SSPN: variants seen among roughly 807,000 people sequenced by gnomAD.
SSPN encodes the protein K-ras oncogene-associated protein.
SSPN carries 15 observed loss-of-function variants against 19.1 expected under a neutral mutation model. That is an observed-to-expected ratio of 0.78 (90% CI 0.52 to 1.21). SSPN has a LOEUF of 1.21. SSPN is among the 50% of genes most tolerant of loss of function. SSPN has a pLI of 0.00. For synonymous variants in SSPN, 147 were observed against 140.3 expected, an observed-to-expected ratio of 1.05 and a Z score of -0.34; for missense variants, 291 against 314.0, an observed-to-expected ratio of 0.93 and a Z score of 0.55.
intron 1 of SSPN, chr12:26,122,761 G>A: frequency 1.3e-6 from 2 of 1,592,554 alleles, no homozygotes; most frequent in East Asian, 2.3e-5. Flanking sequence ...CCTTTCTCGC[G>A]GTCCGGCCGG....
intron 1 of SSPN, among the ~76,000 whole-genome samples, chr12:26,201,270 C>T (rs1248776986): frequency 4.0e-5 from 6 of 150,490 alleles, no homozygotes; most frequent in South Asian, 4.2e-4. Context: ...CCCAGCTACT[C>T]GGGAGGCTGA....
chr12:26,203,638 C>G (rs187214701), intron 1 of SSPN, among the ~76,000 whole-genome samples: 2 of 152,200 alleles, frequency 1.3e-5, no homozygotes, highest in African/African-American at 4.8e-5. Context: ...TTTTAAAATT[C>G]ATATGTGTAC....
In SSPN at chr12:26,137,656, A is replaced by ATT. The variant is rs10597345; in HGVS notation, c.-31+15529_-31+15530dup. Among the ~76,000 whole-genome samples, 114 of 76,450 alleles carry ATT rather than the reference A, an allele frequency of 1.5e-3. 3 individuals are homozygous for ATT. Among genetic ancestry groups the ATT allele is most frequent in the Middle Eastern group, 7.1e-3 (1 of 140 alleles). 50.2% of individuals were successfully genotyped at this position (76,450 alleles called of 152,430 possible). On this transcript the variant is annotated intron_variant, in intron 1 of 2. Coordinates refer to the SSPN transcript ENST00000538142. ...TGTATGTATATATATATATATATAT[A>ATT]TTTTTTTTTTTTTTTTTTTTTTTTT... is the stretch of plus-strand genomic sequence containing the variant.
intron 1 of SSPN, among the ~76,000 whole-genome samples, chr12:26,201,041 A>AT (rs1944878472): frequency 3.6e-5 from 2 of 56,290 alleles, no homozygotes; most frequent in African/African-American, 1.5e-4. Context: ...ATATATATAT[A>AT]TATATTATAT....
intron 1 of SSPN, among the ~76,000 whole-genome samples, chr12:26,217,074 A>G (rs1945060774): frequency 6.7e-6 from 1 of 149,890 alleles, no homozygotes; most frequent in African/African-American, 2.5e-5. Context: ...TTTTGGTTCC[A>G]TATGAACTTT....
rs371168594 is a variant in SSPN at position 26,123,142 on chromosome 12, G to C, written c.-31+990G>C. On this transcript the variant is annotated intron_variant, in intron 1 of 2. Coordinates refer to the SSPN transcript ENST00000538142. ...GAGTGGAACGCATCCAAGTCGGACT[G>C]AATGGGCGATTTCAGAGATCGCTCC... The C allele has an allele frequency of 3.2e-5, 52 of 1,601,204 alleles. No homozygotes were observed. Among genetic ancestry groups the C allele is most frequent in the Admixed American group, 2.4e-4 (14 of 59,410 alleles).
chr12:26,200,694 A>T (rs573432159), intron 1 of SSPN, among the ~76,000 whole-genome samples: 13 of 152,246 alleles, frequency 8.5e-5, no homozygotes, highest in African/African-American at 3.1e-4. Flanking sequence ...TTGTATTGAC[A>T]TTTGAAAATT....
At chr12:26,196,479 C>T (rs918957995) in intron 1 of SSPN, among the ~76,000 whole-genome samples, 2 of 152,134 alleles carry the variant, frequency 1.3e-5, no homozygotes, top group African/African-American at 2.4e-5. Context: ...GCAGGAAATG[C>T]GAATACAGCA....
At chr12:26,208,403 T>C (rs890338644) in intron 1 of SSPN, among the ~76,000 whole-genome samples, 1 of 152,238 alleles carries the variant, frequency 6.6e-6, no homozygotes, top group Non-Finnish European at 1.5e-5. Context: ...TTTTGTGTTC[T>C]ATCATTTATT....
At chr12:26,198,176 T>TG (rs1323281667) in intron 1 of SSPN, among the ~76,000 whole-genome samples, 1 of 140,276 alleles carries the variant, frequency 7.1e-6, no homozygotes, top group Non-Finnish European at 1.6e-5. Flanking sequence ...TGGGGGGGGG[T>TG]TTTTGGAGAC....
chr12:26,223,260 G>T (rs932192841), intron 1 of SSPN, among the ~76,000 whole-genome samples: 3 of 152,182 alleles, frequency 2.0e-5, no homozygotes, highest in Non-Finnish European at 4.4e-5. Flanking sequence ...ACCCAGACTG[G>T]AGTGCAATGG....
intron 1 of SSPN, among the ~76,000 whole-genome samples, chr12:26,147,208 TA>T (rs1294700395): frequency 1.3e-5 from 2 of 152,016 alleles, no homozygotes; most frequent in African/African-American, 4.8e-5. Flanking sequence ...GTAACATATA[TA>T]ATAAAGCAAT....
intron 1 of SSPN, among the ~76,000 whole-genome samples, chr12:26,196,313 C>T (rs1944829917): frequency 3.3e-5 from 5 of 152,244 alleles, no homozygotes. Flanking sequence ...CAGACCCCAC[C>T]CCTGTCCTTA....
intron 1 of SSPN, among the ~76,000 whole-genome samples, chr12:26,174,497 T>TTCCA (rs1944671623): frequency 8.4e-6 from 1 of 119,024 alleles, no homozygotes; most frequent in Admixed American, 7.7e-5. Flanking sequence ...CCTTCCTTCC[T>TTCCA]TCCTTCCCTT....
At chr12:26,143,082 C>A (rs117459226) in intron 1 of SSPN, among the ~76,000 whole-genome samples, 3,218 of 152,250 alleles carry the variant, frequency 0.021, 88 homozygotes, top group South Asian at 0.1. Context: ...TTGTAGTTCT[C>A]AGTAGGATAT....
intron 1 of SSPN, chr12:26,125,287 G>A: frequency 4.1e-6 from 1 of 244,428 alleles, no homozygotes; most frequent in East Asian, 1.0e-4. Context: ...AGGAGGAGGG[G>A]GGAGTGGGGG....
rs1389887348 is a variant in SSPN at position 26,133,985 on chromosome 12, T to TAGCCAGAGC, written c.-31+11835_-31+11843dup. ...CACACTGAATTCAATCACTAAGTTA[T>TAGCCAGAGC]AGCCAGAGCAATTTTTCTGTTCGTG... is the stretch of plus-strand genomic sequence containing the variant. On this transcript the variant is annotated intron_variant, in intron 1 of 2. Coordinates refer to the SSPN transcript ENST00000538142. Among the ~76,000 whole-genome samples the TAGCCAGAGC allele has an allele frequency of 3.3e-5, 5 of 152,344 alleles. No individual in the cohort carries two copies. The East Asian group carries it at 9.6e-4, about 29-fold the overall frequency.
chr12:26,182,669 A>G (rs1216249660), intron 1 of SSPN, among the ~76,000 whole-genome samples: 5 of 137,818 alleles, frequency 3.6e-5, no homozygotes, highest in African/African-American at 1.1e-4. Flanking sequence ...GTGGCTTGCA[A>G]TCCTAGTCAT....
At chr12:26,220,230 A>G (rs1945104504) in intron 1 of SSPN, among the ~76,000 whole-genome samples, 1 of 141,984 alleles carries the variant, frequency 7.0e-6, no homozygotes, top group Non-Finnish European at 1.5e-5. Flanking sequence ...TCTTGTTACA[A>G]CATGCAAAGC....
Sources: gnomAD v4.1 joint callset for allele counts (sites outside exome capture counted in the v4.1 genomes callset) on GRCh38, gnomAD v4.1.1 for gene constraint, MANE v1.5 for transcripts, NCBI Gene and HGNC (gene_info 2026-07-23, HGNC 2026-07-21) for gene names.